The following ANLN variants were observed in gnomAD, a reference collection of about 807,000 sequenced individuals.
The protein encoded by ANLN is anillin, actin binding protein.
ANLN carries 59 observed loss-of-function variants against 135.1 expected under a neutral mutation model. The observed-to-expected ratio is 0.44, with a 90% CI of 0.35 to 0.54. ANLN has a LOEUF of 0.54. Among genes scored for constraint, ANLN ranks in the 20% least tolerant of loss-of-function variants. The probability of loss-of-function intolerance (pLI) is 0.00; values close to 1 mark genes in which losing one functional copy is unlikely to be tolerated. For synonymous variants in ANLN, 406 were observed against 456.4 expected (o/e 0.89, Z 1.41); for missense variants, 1,182 against 1,340.0 (o/e 0.88, Z 1.84).
chr7:36,418,433 C>T (rs1053972929), intron 9 of ANLN, among the ~76,000 whole-genome samples: 4 of 152,190 alleles, frequency 2.6e-5, no homozygotes, highest in Non-Finnish European at 5.9e-5. Flanking sequence ...TAACGAAAGA[C>T]AGTAACTAGG....
chr7:36,390,704 A>T (rs1169262831), intron 1 of ANLN, among the ~76,000 whole-genome samples: 1 of 152,218 alleles, frequency 6.6e-6, no homozygotes, highest in East Asian at 1.9e-4. Flanking sequence ...AGAGCAAAGA[A>T]ATAAACTTTT....
chr7:36,409,950 G>C (rs1043606703), intron 5 of ANLN, among the ~76,000 whole-genome samples: 2 of 152,124 alleles, frequency 1.3e-5, no homozygotes, highest in Non-Finnish European at 2.9e-5. Flanking sequence ...AGGGTTACAG[G>C]TGTGAGCCAC....
chr7:36,425,863 G>C, intron 18 of ANLN, 123 bp downstream of exon 18: 1 of 1,146,004 alleles, frequency 8.7e-7, no homozygotes, highest in Non-Finnish European at 1.3e-6. Context: ...TGTACTAATG[G>C]GGGGATATCC....
At chr7:36,393,941 G>A (rs977574149) in intron 1 of ANLN, among the ~76,000 whole-genome samples, 3 of 152,168 alleles carry the variant, frequency 2.0e-5, no homozygotes, top group Non-Finnish European at 2.9e-5. Context: ...CTTAACCCTT[G>A]CCTGGCATGG....
chr7:36,417,765 C>T (rs1787707709), intron 9 of ANLN, among the ~76,000 whole-genome samples: 1 of 150,848 alleles, frequency 6.6e-6, no homozygotes, highest in Non-Finnish European at 1.5e-5. Flanking sequence ...GCAACCTCCA[C>T]CTCCCAGGTT....
At chr7:36,421,756 A>G (rs1787884955) in intron 12 of ANLN, 101 bp from the exon 13 acceptor site, 6 of 1,146,320 alleles carry the variant, frequency 5.2e-6, no homozygotes, top group Non-Finnish European at 7.2e-6. Context: ...TCATCTGGAA[A>G]TTCTAGAAAC....
At chr7:36,422,038 G>T (rs1312515472) in intron 13 of ANLN, 46 bp downstream of exon 13, 1 of 1,580,338 alleles carries the variant, frequency 6.3e-7, no homozygotes, top group Non-Finnish European at 8.6e-7. Flanking sequence ...TTCTAACCAG[G>T]GAAAACTCAT....
intron 1 of ANLN, chr7:36,390,402 T>G: frequency 3.3e-6 from 1 of 305,026 alleles, no homozygotes; most frequent in Non-Finnish European, 6.2e-6. Context: ...GCAGCTGGAA[T>G]GCCCTGCAGG....
intron 20 of ANLN, among the ~76,000 whole-genome samples, chr7:36,438,743 T>G (rs1318175938): frequency 6.6e-6 from 1 of 152,230 alleles, no homozygotes; most frequent in Admixed American, 6.5e-5. Context: ...CCTTCAACTT[T>G]GTTCTTAATT....
intron 7 of ANLN, among the ~76,000 whole-genome samples, chr7:36,411,574 A>G (rs1439272225): frequency 6.6e-6 from 1 of 152,144 alleles, no homozygotes; most frequent in Admixed American, 6.5e-5. Flanking sequence ...TACCTCCCAC[A>G]TTGCTCTTTA....
At chr7:36,423,751 C>A in intron 14 of ANLN, 66 bp from the exon 15 acceptor site, 6 of 1,412,662 alleles carry the variant, frequency 4.2e-6, no homozygotes, top group South Asian at 1.4e-5. Context: ...TTTGGTATTC[C>A]AGAATGCTGA....
intron 17 of ANLN, 115 bp from the exon 18 acceptor site, chr7:36,425,587 C>T (rs1788047995): frequency 2.8e-6 from 2 of 725,766 alleles, no homozygotes; most frequent in Admixed American, 6.5e-5. Context: ...AGCCACTGCT[C>T]CCGGCTAAGA....
chr7:36,410,916 A>G (rs1046474481), intron 6 of ANLN, 143 bp from the exon 7 acceptor site: 11 of 842,760 alleles, frequency 1.3e-5, no homozygotes, highest in East Asian at 2.7e-5. Context: ...CCTGAATTCC[A>G]TGTGTATTAT....
In ANLN at chr7:36,443,819, A is replaced by T. The variant is rs1431634339; in HGVS notation, c.3035A>T (p.Asn1012Ile). Residue 1012 changes from asparagine (N) to isoleucine (I), a missense_variant, in exon 22 of 24, where the codon AAC becomes ATC. Coordinates refer to ENST00000265748, the MANE Select transcript of ANLN (RefSeq NM_018685.5). ...WHRRWCVLSGNCISYWTYPDD... is the reference protein window; with the variant it reads ...WHRRWCVLSGICISYWTYPDD... ...CGAAGATGGTGTGTTCTTTCTGGAA[A>T]CTGTATATCTTATTGGACTTATCCA... 9.3e-6 allele frequency: 15 copies of T among 1,612,482 alleles called. No homozygotes were observed. In the African/African-American group the frequency reaches 1.9e-4, roughly 20 times the overall value.
intron 7 of ANLN, among the ~76,000 whole-genome samples, chr7:36,415,282 T>C (rs1787592807): frequency 1.3e-5 from 2 of 152,220 alleles, no homozygotes; most frequent in Non-Finnish European, 2.9e-5. Context: ...GGGTAACTGA[T>C]AATTAAATGG....
chr7:36,446,996 C>G (rs1209994473), intron 22 of ANLN, among the ~76,000 whole-genome samples: 1 of 152,176 alleles, frequency 6.6e-6, no homozygotes, highest in Non-Finnish European at 1.5e-5. Context: ...TGGACGCGTT[C>G]CAAGACCGCC....
chr7:36,425,841 A>G lies in ANLN; in HGVS notation c.2748+101A>G, dbSNP rs1583632558. ...CATTTCTGAACCTTGAGCACTGTGG[A>G]AAATTTTAACATGTACTAATGGGGG... On this transcript the variant is annotated intron_variant, in intron 18 of 23. Coordinates refer to ENST00000265748, the MANE Select transcript of ANLN (RefSeq NM_018685.5). The G allele has an allele frequency of 4.6e-6, 6 of 1,313,630 alleles. No homozygotes were observed. The East Asian group carries it at 1.2e-4, about 26-fold the overall frequency. The allele number at this position is 1,313,630 out of a possible 1,614,324, so 81.4% of individuals were successfully genotyped here.
At chr7:36,416,863 C>T (rs1332951086) in intron 8 of ANLN, among the ~76,000 whole-genome samples, 2 of 151,772 alleles carry the variant, frequency 1.3e-5, no homozygotes, top group Non-Finnish European at 2.9e-5. Flanking sequence ...TCACCAAGAA[C>T]TGATTTTTCA....
At chr7:36,449,589 A>G in intron 22 of ANLN, 76 bp from the exon 23 acceptor site, 1 of 1,103,892 alleles carries the variant, frequency 9.1e-7, no homozygotes. Flanking sequence ...AATTTGTACC[A>G]ACTTAAATGC....
Sources: gnomAD v4.1 joint callset for allele counts (sites outside exome capture counted in the v4.1 genomes callset) on GRCh38, gnomAD v4.1.1 for gene constraint, MANE v1.5 for transcripts, NCBI Gene and HGNC (gene_info 2026-07-23, HGNC 2026-07-21) for gene names.